SNX10: variants seen among roughly 807,000 people sequenced by gnomAD.
SNX10 encodes the protein sorting nexin-10.
SNX10 carries 25 observed loss-of-function variants against 28.5 expected under a neutral mutation model. The observed-to-expected ratio is 0.88, with a 90% CI of 0.64 to 1.22. SNX10 has a LOEUF of 1.22. Ranked by LOEUF, SNX10 falls within the 50% of genes most tolerant of loss-of-function variation. SNX10 has a pLI of 0.00. For missense variants in SNX10, 223 were observed against 242.6 expected (o/e 0.92, Z 0.54); for synonymous variants, 62 against 81.4 (o/e 0.76, Z 1.28).
intron 1 of SNX10, among the ~76,000 whole-genome samples, chr7:26,341,420 G>T (rs747296900): frequency 1.2e-4 from 19 of 152,142 alleles, no homozygotes; most frequent in Non-Finnish European, 2.5e-4. Flanking sequence ...TCTAGAGACA[G>T]CCTAGCAGAG....
At chr7:26,317,408 C>T (rs1382318762) in intron 1 of SNX10, among the ~76,000 whole-genome samples, 1 of 152,170 alleles carries the variant, frequency 6.6e-6, no homozygotes, top group African/African-American at 2.4e-5. Context: ...TTAGTATCTT[C>T]ATCTGTAAAA....
At chr7:26,316,497 TGGG>T (rs1263715225) in intron 1 of SNX10, among the ~76,000 whole-genome samples, 1 of 152,196 alleles carries the variant, frequency 6.6e-6, no homozygotes, top group Admixed American at 6.6e-5. Flanking sequence ...CTTGTGCTAG[TGGG>T]GAAAACAAAT....
At chr7:26,348,577 T>G (rs530135479) in intron 2 of SNX10, among the ~76,000 whole-genome samples, 1 of 152,192 alleles carries the variant, frequency 6.6e-6, no homozygotes, top group East Asian at 1.9e-4. Context: ...ATGGGCGGAG[T>G]TATCCTCCCA....
At chr7:26,334,298 AAGGAC>A (rs1787844540) in intron 1 of SNX10, among the ~76,000 whole-genome samples, 1 of 152,228 alleles carries the variant, frequency 6.6e-6, no homozygotes, top group South Asian at 2.1e-4. Flanking sequence ...TCAAGCATTT[AAGGAC>A]AGTTTTTGAA....
intron 1 of SNX10, among the ~76,000 whole-genome samples, chr7:26,295,425 A>T (rs1395964079): frequency 1.3e-5 from 2 of 152,264 alleles, no homozygotes; most frequent in African/African-American, 2.4e-5. Context: ...CTTTCTTCAG[A>T]TTCTTACGTG....
At chr7:26,341,819 A>G (rs10260489) in intron 1 of SNX10, among the ~76,000 whole-genome samples, 29,135 of 151,824 alleles carry the variant, frequency 0.19, 3,291 homozygotes, top group East Asian at 0.44. Context: ...CACATAAGGT[A>G]GCCTGGGGAG....
intron 2 of SNX10, among the ~76,000 whole-genome samples, chr7:26,358,805 G>GTTTTTGTTTTTTTTTTTTTTTTTTTT (rs1554360948): frequency 1.0e-5 from 1 of 100,112 alleles, no homozygotes; most frequent in African/African-American, 4.4e-5. Flanking sequence ...GTTATCTTGT[G>GTTTTTGTTTTTTTTTTTTTTTTTTTT]TTTTTTTTTT....
intron 1 of SNX10, among the ~76,000 whole-genome samples, chr7:26,299,347 C>T (rs1192830896): frequency 6.6e-6 from 1 of 152,146 alleles, no homozygotes; most frequent in African/African-American, 2.4e-5. Context: ...AGGCATGTGC[C>T]ACCACACTCA....
At chr7:26,304,932 AG>A (rs1218911033) in intron 1 of SNX10, among the ~76,000 whole-genome samples, 2 of 152,158 alleles carry the variant, frequency 1.3e-5, no homozygotes, top group Non-Finnish European at 2.9e-5. Flanking sequence ...GTAAATCCAA[AG>A]CCCGGCCCAG....
At chr7:26,294,038 CAG>C (rs1051496685) in intron 1 of SNX10, among the ~76,000 whole-genome samples, 12 of 152,100 alleles carry the variant, frequency 7.9e-5, no homozygotes, top group Admixed American at 7.2e-4. Context: ...TTTTTAGTGA[CAG>C]GGCTGTGGTT....
Position 26,364,542 on chromosome 7 carries a change from G to A in SNX10, c.119G>A (p.Ser40Asn), listed in dbSNP as rs758824561. ...TCTACTTTCTCTGTACAGACTAATAGCATGTGTTTTACAATGAAAACATCC... is the reference window on the plus strand; with the variant it reads ...TCTACTTTCTCTGTACAGACTAATAACATGTGTTTTACAATGAAAACATCC... ...IDYEICIHTN[S>N]MCFTMKTSCV... is the part of the protein sequence containing the mutation. Residue 40 changes from serine (S) to asparagine (N), a missense_variant, in exon 4 of 7, where the codon AGC becomes AAC. By Grantham distance (46) the Ser-to-Asn change is conservative. Coordinates refer to ENST00000338523, the MANE Select transcript of SNX10 (RefSeq NM_013322.3). This position sits in a 1 kb window ranked among gnomAD's most constrained non-coding sequence, Gnocchi z 4.9. The A allele has an allele frequency of 6.2e-7, 1 of 1,613,398 alleles. No individual in the cohort carries two copies. Among genetic ancestry groups the A allele is most frequent in the Non-Finnish European group, 8.5e-7 (1 of 1,179,682 alleles).
chr7:26,355,725 A>T (rs890516511), intron 2 of SNX10, among the ~76,000 whole-genome samples: 5 of 152,208 alleles, frequency 3.3e-5, no homozygotes, highest in Non-Finnish European at 7.3e-5. Flanking sequence ...CCTCCAAAAC[A>T]ATACAATTAC....
chr7:26,357,460 G>A (rs1161106910), intron 2 of SNX10, among the ~76,000 whole-genome samples: 2 of 152,056 alleles, frequency 1.3e-5, no homozygotes, highest in African/African-American at 2.4e-5. Context: ...GATAAGCAGA[G>A]TGAAAATCAT....
intron 1 of SNX10, among the ~76,000 whole-genome samples, chr7:26,339,200 C>G (rs561898857): frequency 6.6e-6 from 1 of 152,118 alleles, no homozygotes; most frequent in Non-Finnish European, 1.5e-5. Flanking sequence ...ACATCTTAAG[C>G]GTTAGAAGCA....
In SNX10 at chr7:26,327,892, G is replaced by C. The variant is rs186817646; in HGVS notation, c.-23-18528G>C. 7.3e-3 allele frequency among the ~76,000 whole-genome samples: 1,108 copies of C among 151,548 alleles called. 16 individuals are homozygous for C. The highest frequency in any genetic ancestry group is 0.025 in the African/African-American group (1,047 of 41,312). ...CTACAGGTGCCTGCCACCACACCCA[G>C]CTATTTTTTTTTTGTATTTTTAGTA... On this transcript the variant is annotated intron_variant, in intron 1 of 6. Transcript: ENST00000338523.
intron 3 of SNX10, among the ~76,000 whole-genome samples, chr7:26,363,759 AAC>A (rs1218816758): frequency 8.4e-6 from 1 of 118,850 alleles, no homozygotes; most frequent in Non-Finnish European, 2.0e-5. Flanking sequence ...GAAGGAAACC[AAC>A]ACTTAGTAAC....
intron 1 of SNX10, among the ~76,000 whole-genome samples, chr7:26,305,106 TTTG>T (rs1363101076): frequency 2.0e-5 from 3 of 152,138 alleles, no homozygotes; most frequent in Admixed American, 6.5e-5. Flanking sequence ...TACCATGTGT[TTTG>T]TTAGTTGAGT....
chr7:26,364,402 CATAAATATAAAT>C lies in SNX10; in HGVS notation c.112-129_112-118del. Reference sequence around the variant, plus strand: ...TATGTGCAAGATTTCAGAGTACTGGCATAAATATAAATATATGTTTGGTGGTTTAAATCCTAT... The same window carrying C: ...TATGTGCAAGATTTCAGAGTACTGGCATATGTTTGGTGGTTTAAATCCTAT... On this transcript the variant is annotated intron_variant, in intron 3 of 6. Transcript: ENST00000338523. This position sits in a 1 kb window ranked among gnomAD's most constrained non-coding sequence, Gnocchi z 4.9. 1 of 1,395,662 alleles carries C rather than the reference CATAAATATAAAT, an allele frequency of 7.2e-7. No individual in the cohort carries two copies. The highest frequency in any genetic ancestry group is 9.3e-7 in the Non-Finnish European group (1 of 1,074,062). 86.5% of individuals were successfully genotyped at this position (1,395,662 alleles called of 1,614,324 possible). A position where few individuals can be genotyped will look rare whatever the true frequency, so the allele number is the denominator to read the frequency against.
intron 1 of SNX10, among the ~76,000 whole-genome samples, chr7:26,339,021 T>A (rs1256862311): frequency 6.6e-6 from 1 of 152,212 alleles, no homozygotes; most frequent in Non-Finnish European, 1.5e-5. Context: ...CCCTAAATTG[T>A]AATTTCTAAT....
Sources: gnomAD v4.1 joint callset for allele counts (sites outside exome capture counted in the v4.1 genomes callset) on GRCh38, gnomAD v4.1.1 for gene constraint, Gnocchi (gnomAD v3.1) non-coding constraint, MANE v1.5 for transcripts, NCBI Gene and HGNC (gene_info 2026-07-23, HGNC 2026-07-21) for gene names.